The following ZFHX3 variants were observed in gnomAD, a reference collection of about 807,000 sequenced individuals.
The protein encoded by ZFHX3 is zinc finger homeobox protein 3.
A neutral mutation model predicts 279.1 loss-of-function variants in ZFHX3; 42 were observed. The observed-to-expected ratio is 0.15, with a 90% CI of 0.12 to 0.19. ZFHX3 has a LOEUF of 0.19. ZFHX3 is among the 10% of genes least tolerant of loss of function. ZFHX3 has a pLI of 1.00. For synonymous variants in ZFHX3, 2,293 were observed against 1,957.8 expected, an observed-to-expected ratio of 1.17 and a Z score of -4.52; for missense variants, 4,981 against 4,754.0, an observed-to-expected ratio of 1.05 and a Z score of -1.40.
intron 5 of ZFHX3, among the ~76,000 whole-genome samples, chr16:73,169,640 C>T (rs1967472156): frequency 1.4e-5 from 2 of 145,440 alleles, no homozygotes; most frequent in Admixed American, 1.4e-4. Flanking sequence ...GCCTGGGCGA[C>T]AGAGTGAGAC....
intron 3 of ZFHX3, among the ~76,000 whole-genome samples, chr16:72,940,760 T>C (rs1384502465): frequency 1.3e-5 from 2 of 152,266 alleles, no homozygotes; most frequent in African/African-American, 4.8e-5. Context: ...GCTCTCATCC[T>C]GAGTCCGGGA....
intron 4 of ZFHX3, among the ~76,000 whole-genome samples, chr16:72,854,845 C>T (rs145057105): frequency 1.7e-4 from 25 of 146,096 alleles, no homozygotes; most frequent in South Asian, 4.3e-4. Flanking sequence ...CCCAGCAGTG[C>T]GCACTCCCAA....
chr16:72,997,961 G>C (rs1328493510), intron 1 of ZFHX3, among the ~76,000 whole-genome samples: 1 of 151,916 alleles, frequency 6.6e-6, no homozygotes, highest in Non-Finnish European at 1.5e-5. Context: ...GTGCACCTCT[G>C]GTCCCAGCTA....
intron 2 of ZFHX3, among the ~76,000 whole-genome samples, chr16:73,515,426 G>C (rs2019502587): frequency 6.6e-6 from 1 of 151,464 alleles, no homozygotes; most frequent in Non-Finnish European, 1.5e-5. Context: ...GAAGGGAGAA[G>C]ACCAGAGAGG....
intron 1 of ZFHX3, among the ~76,000 whole-genome samples, chr16:73,858,860 G>A (rs1187676093): frequency 6.6e-6 from 1 of 152,164 alleles, no homozygotes; most frequent in Non-Finnish European, 1.5e-5. Flanking sequence ...AAGATGTGAA[G>A]GAGAGGATCC....
At chr16:73,155,198 A>C (rs1176545051) in intron 5 of ZFHX3, among the ~76,000 whole-genome samples, 1 of 151,888 alleles carries the variant, frequency 6.6e-6, no homozygotes, top group African/African-American at 2.4e-5. Context: ...AAAAAAACAA[A>C]AAAAAGGAAA....
rs576278265 is a variant in ZFHX3, at chr16:73,177,429, C to T, written c.-1103-33598G>A. ...AATGTTTCTTTAATGTGACACATAT[C>T]GTCATAATGGCACCTTACATTTAGA... is the stretch of plus-strand genomic sequence containing the variant. On this transcript the variant is annotated intron_variant, in intron 5 of 17. Transcript: ENST00000641206. Among the ~76,000 whole-genome samples the T allele has an allele frequency of 2.9e-3, 436 of 152,244 alleles. 3 individuals carry two copies. The highest frequency in any genetic ancestry group is 2.3e-3 in the Non-Finnish European group (154 of 68,020).
chr16:73,734,872 T>C (rs1327477724), intron 1 of ZFHX3, among the ~76,000 whole-genome samples: 1 of 152,214 alleles, frequency 6.6e-6, no homozygotes, highest in African/African-American at 2.4e-5. Context: ...TTTAAACATC[T>C]ACATAGTAAT....
chr16:73,459,380 A>G (rs893683150), intron 2 of ZFHX3, among the ~76,000 whole-genome samples: 1 of 151,886 alleles, frequency 6.6e-6, no homozygotes, highest in Admixed American at 6.6e-5. Context: ...TTTTTCTGAG[A>G]TGGATGGAGT....
At chr16:73,197,652 G>A (rs1449530137) in intron 5 of ZFHX3, among the ~76,000 whole-genome samples, 1 of 152,118 alleles carries the variant, frequency 6.6e-6, no homozygotes, top group East Asian at 1.9e-4. Flanking sequence ...CATGATAGAT[G>A]TCTTCATTTC....
chr16:73,339,004 C>T (rs2015976138), intron 3 of ZFHX3, among the ~76,000 whole-genome samples: 1 of 152,210 alleles, frequency 6.6e-6, no homozygotes, highest in East Asian at 1.9e-4. Flanking sequence ...TTGTAAACTT[C>T]CAGAAGCCTC....
In ZFHX3 at chr16:73,577,340, C is replaced by T. The variant is rs757913215; in HGVS notation, c.-1547+102840G>A. 2.1e-4 allele frequency among the ~76,000 whole-genome samples: 32 copies of T among 152,244 alleles called. 1 individual carries two copies. The highest frequency in any genetic ancestry group is 6.2e-4 in the South Asian group (3 of 4,822). ...CCTGTAAACCCTTTAAAATGGCACA[C>T]GGTCCTGGTTCTAATATTGTACTGC... On this transcript the variant is annotated intron_variant, in intron 2 of 17. Transcript: ENST00000641206.
chr16:73,487,408 A>ATTT (rs35394633), intron 2 of ZFHX3: 3,932 of 382,882 alleles, frequency 0.01, 14 homozygotes, highest in Non-Finnish European at 0.015. Flanking sequence ...TATCTATGTG[A>ATTT]TTTTTTTTTT....
intron 5 of ZFHX3, among the ~76,000 whole-genome samples, chr16:73,165,940 A>G (rs2144860799): frequency 6.6e-6 from 1 of 152,340 alleles, no homozygotes; most frequent in Admixed American, 6.5e-5. Context: ...TGCCTGGAAT[A>G]CATTACGACT....
intron 5 of ZFHX3, among the ~76,000 whole-genome samples, chr16:73,183,160 G>C (rs1323465863): frequency 6.6e-6 from 1 of 152,136 alleles, no homozygotes; most frequent in Non-Finnish European, 1.5e-5. Flanking sequence ...AGCCAAGATC[G>C]TGCCACTGCA....
At chr16:73,494,391 A>C (rs969145404) in intron 2 of ZFHX3, among the ~76,000 whole-genome samples, 5 of 152,084 alleles carry the variant, frequency 3.3e-5, no homozygotes, top group Non-Finnish European at 7.4e-5. Context: ...GTGCATAAAC[A>C]CTCAGGCGAG....
chr16:73,778,911 T>C lies in ZFHX3; in HGVS notation c.-1607-98671A>G, dbSNP rs146279223. Reference sequence around the variant, plus strand: ...GTTGAAAGTAGGAATTGTTCTTCTGTGGAATATTAATCGTTAAGTTTCTAA... The same window carrying C: ...GTTGAAAGTAGGAATTGTTCTTCTGCGGAATATTAATCGTTAAGTTTCTAA... On this transcript the variant is annotated intron_variant, in intron 1 of 17. Transcript: ENST00000641206. Among the ~76,000 whole-genome samples the C allele has an allele frequency of 4.5e-3, 683 of 152,330 alleles. 4 individuals carry two copies. Among genetic ancestry groups the C allele is most frequent in the African/African-American group, 0.015 (640 of 41,568 alleles).
intron 3 of ZFHX3, among the ~76,000 whole-genome samples, chr16:72,943,618 G>C (rs901940720): frequency 1.3e-5 from 2 of 152,176 alleles, no homozygotes; most frequent in Admixed American, 1.3e-4. Context: ...ACTTACTTTA[G>C]AACAATGTTG....
intron 4 of ZFHX3, among the ~76,000 whole-genome samples, chr16:72,879,088 G>A (rs1372379295): frequency 6.6e-6 from 1 of 152,174 alleles, no homozygotes; most frequent in Non-Finnish European, 1.5e-5. Flanking sequence ...GACTTGCCCT[G>A]GAAGCGCAAG....
Sources: gnomAD v4.1 joint callset for allele counts (sites outside exome capture counted in the v4.1 genomes callset) on GRCh38, gnomAD v4.1.1 for gene constraint, MANE v1.5 for transcripts, NCBI Gene and HGNC (gene_info 2026-07-23, HGNC 2026-07-21) for gene names.